The following MYO5A variants were observed in gnomAD, a reference collection of about 807,000 sequenced individuals.
MYO5A encodes myosin VA, also known as unconventional myosin-Va.
A neutral mutation model predicts 249.7 loss-of-function variants in MYO5A; 98 were observed. The observed-to-expected ratio is 0.39, with a 90% confidence interval of 0.33 to 0.46. The LOEUF is 0.46. Among genes scored for constraint, MYO5A ranks in the 20% least tolerant of loss-of-function variants. MYO5A has a pLI of 0.98. For missense variants in MYO5A, 1,696 were observed against 2,308.8 expected, an observed-to-expected ratio of 0.73 and a Z score of 5.44; for synonymous variants, 778 against 810.6, an observed-to-expected ratio of 0.96 and a Z score of 0.68.
chr15:52,414,688 C>T (rs1285498912), intron 5 of MYO5A, among the ~76,000 whole-genome samples: 1 of 152,030 alleles, frequency 6.6e-6, no homozygotes, highest in Non-Finnish European at 1.5e-5. Flanking sequence ...TGTCAAATAC[C>T]AAGAATTTGT....
rs571411275 is a variant in MYO5A at position 52,333,718 on chromosome 15, T to A, written c.4408+2745A>T. On this transcript the variant is annotated intron_variant, in intron 34 of 41. Coordinates refer to ENST00000399233, the MANE Select transcript of MYO5A (RefSeq NM_001382347.1). The stretch of plus-strand genomic sequence containing the variant: ...TTTTTTTAAAAGTCTGTTGGCTTTT[T>A]AAAAAGCCTCCTTAATTAAATGTAG... 3.6e-3 allele frequency among the ~76,000 whole-genome samples: 541 copies of A among 152,320 alleles called. 4 individuals carry two copies. Among genetic ancestry groups the A allele is most frequent in the Non-Finnish European group, 4.2e-3 (284 of 68,022 alleles).
chr15:52,317,252 A>T, intron 39 of MYO5A, 30 bp from the exon 40 acceptor site: 1 of 1,609,240 alleles, frequency 6.2e-7, no homozygotes, highest in Non-Finnish European at 8.5e-7. Flanking sequence ...CAGAGAATGC[A>T]AATTTGCTGA....
rs1397877941 is a variant in MYO5A at position 52,311,791 on chromosome 15, T to G, written c.*1905A>C. ...AGAATTTTAAATGTGGAGGAGATGTTAAGAATCAGTGTCCAACTCTCTTAT... is the reference window on the plus strand; with the variant it reads ...AGAATTTTAAATGTGGAGGAGATGTGAAGAATCAGTGTCCAACTCTCTTAT... On this transcript the variant is annotated 3_prime_UTR_variant, in exon 42 of 42. Coordinates refer to ENST00000399233, the MANE Select transcript of MYO5A (RefSeq NM_001382347.1). The G allele has an allele frequency of 1.3e-5, 2 of 152,646 alleles. No individual in the cohort carries two copies. Among genetic ancestry groups the G allele is most frequent in the Non-Finnish European group, 2.9e-5 (2 of 68,034 alleles). 9.5% of individuals were successfully genotyped at this position (152,646 alleles called of 1,614,324 possible). A position where few individuals can be genotyped will look rare whatever the true frequency, so the allele number is the denominator to read the frequency against.
At chr15:52,361,409 CTA>C (rs1234814127) in intron 24 of MYO5A, among the ~76,000 whole-genome samples, 1 of 152,100 alleles carries the variant, frequency 6.6e-6, no homozygotes, top group Non-Finnish European at 1.5e-5. Flanking sequence ...CCACATATGT[CTA>C]TCATTATACA....
intron 31 of MYO5A, among the ~76,000 whole-genome samples, chr15:52,341,579 T>C (rs1227677758): frequency 2.0e-5 from 3 of 152,222 alleles, no homozygotes; most frequent in Non-Finnish European, 4.4e-5. Context: ...AGAAAAGACA[T>C]TCTTTTATTC....
chr15:52,501,386 G>A (rs945660353), intron 1 of MYO5A, among the ~76,000 whole-genome samples: 18 of 152,108 alleles, frequency 1.2e-4, no homozygotes, highest in Non-Finnish European at 2.2e-4. Context: ...GATCGCTTGA[G>A]CCCCAGGGCT....
At chr15:52,358,319 A>C (rs936210106) in intron 25 of MYO5A, among the ~76,000 whole-genome samples, 5 of 152,200 alleles carry the variant, frequency 3.3e-5, no homozygotes, top group African/African-American at 7.2e-5. Context: ...GACTATTGCA[A>C]GTGAGTACTC....
At chr15:52,460,648 G>A (rs999751631) in intron 1 of MYO5A, among the ~76,000 whole-genome samples, 3 of 150,548 alleles carry the variant, frequency 2.0e-5, no homozygotes, top group South Asian at 2.1e-4. Context: ...AAGGGGAGAC[G>A]AGGACCGTGC....
chr15:52,350,167 C>T (rs566190737), intron 28 of MYO5A, among the ~76,000 whole-genome samples: 5 of 152,252 alleles, frequency 3.3e-5, no homozygotes, highest in South Asian at 2.1e-4. Flanking sequence ...CTCCTGACCT[C>T]GTGATCTGCC....
At position 52,496,424 on chromosome 15, in the gene MYO5A, C is replaced by T. The variant is rs115619195; in HGVS notation, c.27+32356G>A. Among the ~76,000 whole-genome samples the T allele has an allele frequency of 5.2e-3, 797 of 152,204 alleles. 6 individuals are homozygous for T. Among genetic ancestry groups the T allele is most frequent in the African/African-American group, 0.018 (765 of 41,546 alleles). ...CTGGAAACGTCCCAGGAAATGGACACGGAATGACTAGGTTGCCACTCCTGG... is the reference window on the plus strand; with the variant it reads ...CTGGAAACGTCCCAGGAAATGGACATGGAATGACTAGGTTGCCACTCCTGG... On this transcript the variant is annotated intron_variant, in intron 1 of 41. Coordinates refer to ENST00000399233, the MANE Select transcript of MYO5A (RefSeq NM_001382347.1).
intron 1 of MYO5A, among the ~76,000 whole-genome samples, chr15:52,516,675 GGCATATTTT>G (rs2077502798): frequency 6.6e-6 from 1 of 152,106 alleles, no homozygotes; most frequent in Admixed American, 6.6e-5. Flanking sequence ...TTTAGCATTG[GGCATATTTT>G]GCTCCATTCT....
chr15:52,425,329 C>T (rs911101438), intron 4 of MYO5A, among the ~76,000 whole-genome samples: 1 of 151,518 alleles, frequency 6.6e-6, no homozygotes, highest in Non-Finnish European at 1.5e-5. Flanking sequence ...AACTCTATGT[C>T]CCTTTATAAA....
intron 1 of MYO5A, among the ~76,000 whole-genome samples, chr15:52,511,949 G>A (rs2077397524): frequency 1.3e-5 from 2 of 152,102 alleles, no homozygotes; most frequent in Non-Finnish European, 2.9e-5. Flanking sequence ...AGATCATGAG[G>A]TCAGGAGATC....
chr15:52,473,637 T>C (rs1281326223), intron 1 of MYO5A, among the ~76,000 whole-genome samples: 2 of 152,238 alleles, frequency 1.3e-5, no homozygotes, highest in African/African-American at 2.4e-5. Flanking sequence ...CCCAGCACCA[T>C]TAATTAAACA....
At chr15:52,351,032 G>T (rs1278039892) in intron 28 of MYO5A, among the ~76,000 whole-genome samples, 1 of 152,208 alleles carries the variant, frequency 6.6e-6, no homozygotes, top group African/African-American at 2.4e-5. Flanking sequence ...CATGAGAGAT[G>T]AAACTTTGTG....
At chr15:52,371,075 T>C (rs1029829885) in intron 21 of MYO5A, among the ~76,000 whole-genome samples, 2 of 151,816 alleles carry the variant, frequency 1.3e-5, no homozygotes, top group Non-Finnish European at 2.9e-5. Context: ...ATTGCACTGC[T>C]GTACTTTAGC....
rs186322119 is a variant in MYO5A at position 52,470,665 on chromosome 15, C to T, written c.28-37380G>A. On this transcript the variant is annotated intron_variant, in intron 1 of 41. Coordinates refer to ENST00000399233, the MANE Select transcript of MYO5A (RefSeq NM_001382347.1). Reference sequence around the variant, plus strand: ...AACTCCATCCCCCCTCAAAAAAAGGCCATTCCTTACTGACAAGGTATTCCC... The same window carrying T: ...AACTCCATCCCCCCTCAAAAAAAGGTCATTCCTTACTGACAAGGTATTCCC... Among the ~76,000 whole-genome samples, 352 of 151,804 alleles carry T rather than the reference C, an allele frequency of 2.3e-3. 1 individual carries two copies. The highest frequency in any genetic ancestry group is 5.9e-3 in the South Asian group (28 of 4,784).
intron 1 of MYO5A, among the ~76,000 whole-genome samples, chr15:52,507,127 T>G (rs770029184): frequency 1.6e-4 from 24 of 152,320 alleles, no homozygotes; most frequent in Non-Finnish European, 2.8e-4. Flanking sequence ...GCAAGGGAAG[T>G]TAGAAAAAGG....
intron 4 of MYO5A, among the ~76,000 whole-genome samples, chr15:52,425,392 C>T (rs779716856): frequency 3.2e-4 from 49 of 151,944 alleles, no homozygotes; most frequent in Admixed American, 2.4e-3. Flanking sequence ...CAGAGTCCTG[C>T]TCTGTGGCCC....
Sources: allele counts gnomAD v4.1 joint callset (sites outside exome capture counted in the v4.1 genomes callset), GRCh38; gene constraint gnomAD v4.1.1; transcripts MANE v1.5; gene names NCBI Gene and HGNC (gene_info 2026-07-23, HGNC 2026-07-21).